TNIP3: variants seen among roughly 807,000 people sequenced by gnomAD.
TNIP3 encodes the protein TNFAIP3 interacting protein 3.
A neutral mutation model predicts 54.1 loss-of-function variants in TNIP3; 34 were observed. The observed-to-expected ratio is 0.63, with a 90% CI of 0.48 to 0.84. The LOEUF (loss-of-function observed/expected upper bound fraction) is 0.84, where lower values mean the gene tolerates loss of function less well. TNIP3 is among the 40% of genes least tolerant of loss of function. The pLI is 0.00. For missense variants in TNIP3, 366 were observed against 387.6 expected (o/e 0.94, Z 0.47); for synonymous variants, 134 against 136.8 (o/e 0.98, Z 0.14).
chr4:121,165,819 A>C (rs115073931), upstream of TNIP3, among the ~76,000 whole-genome samples: 2,436 of 152,262 alleles, frequency 0.016, 70 homozygotes, highest in African/African-American at 0.056. Flanking sequence ...CTGAAAGTAA[A>C]AAGTTATAAC....
At chr4:121,146,270 A>G (rs1303488899) in intron 7 of TNIP3, among the ~76,000 whole-genome samples, 1 of 152,202 alleles carries the variant, frequency 6.6e-6, no homozygotes, top group Non-Finnish European at 1.5e-5. Context: ...TTTGGAAGAA[A>G]ATGATGACTG....
At chr4:121,136,839 C>T (rs1728813356) in intron 10 of TNIP3, among the ~76,000 whole-genome samples, 1 of 121,792 alleles carries the variant, frequency 8.2e-6, no homozygotes, top group Non-Finnish European at 1.6e-5. Flanking sequence ...GCCTGGGTGA[C>T]AGAGTAAGAC....
chr4:121,170,255 G>T (rs1234263322), intron 3 of TNIP3, among the ~76,000 whole-genome samples: 1 of 152,212 alleles, frequency 6.6e-6, no homozygotes, highest in Non-Finnish European at 1.5e-5. Flanking sequence ...TTTAGCCTTA[G>T]GAACTACCAC....
chr4:121,158,676 G>A lies in TNIP3; in HGVS notation c.213+11C>T. 1.9e-6 allele frequency: 3 copies of A among 1,592,524 alleles called. No homozygotes were observed. Among genetic ancestry groups the A allele is most frequent in the Non-Finnish European group, 2.6e-6 (3 of 1,161,570 alleles). ...CTTTAAAGAAAATACCGAATAGAGA[G>A]AGGTATTTACCTTTCTTTCATATAA... On this transcript the variant is annotated intron_variant, in intron 3 of 10. Transcript: ENST00000057513.
At chr4:121,140,596 T>G (rs935818690) in intron 9 of TNIP3, among the ~76,000 whole-genome samples, 1 of 152,210 alleles carries the variant, frequency 6.6e-6, no homozygotes, top group Admixed American at 6.5e-5. Context: ...TAACCTTTCA[T>G]AAGAATATTT....
Position 121,222,804 on chromosome 4 carries a change from GTTT to G in TNIP3, c.3+4578_3+4580del, listed in dbSNP as rs138758827. Reference sequence around the variant, plus strand: ...GTGGAGCTGAGGGTGTTTTTTGTGCGTTTTTTTTTTTTTTTTTTTGAGACGGAG... The same window carrying G: ...GTGGAGCTGAGGGTGTTTTTTGTGCGTTTTTTTTTTTTTTTTGAGACGGAG... On this transcript the variant is annotated intron_variant, in intron 1 of 12. Coordinates refer to the TNIP3 transcript ENST00000509841. Among the ~76,000 whole-genome samples the G allele has an allele frequency of 4.8e-3, 508 of 105,760 alleles. 1 individual carries two copies. The highest frequency in any genetic ancestry group is 0.014 in the African/African-American group (363 of 26,456). The allele number at this position is 105,760 out of a possible 152,430, so 69.4% of individuals were successfully genotyped here. A position where few individuals can be genotyped will look rare whatever the true frequency, so the allele number is the denominator to read the frequency against.
At chr4:121,163,524 T>A (rs1052927318) in intron 1 of TNIP3, among the ~76,000 whole-genome samples, 1 of 152,192 alleles carries the variant, frequency 6.6e-6, no homozygotes, top group African/African-American at 2.4e-5. Context: ...TATGATAACA[T>A]CCTTACCAAT....
At chr4:121,158,658 G>A (rs1473929888) in intron 3 of TNIP3, 29 bp downstream of exon 3, 1 of 1,575,780 alleles carries the variant, frequency 6.3e-7, no homozygotes, top group East Asian at 2.2e-5. Context: ...TGGCTTTAAA[G>A]AAAATACCGA....
intron 3 of TNIP3, among the ~76,000 whole-genome samples, chr4:121,173,695 C>T (rs191360151): frequency 1.3e-3 from 192 of 152,268 alleles, no homozygotes; most frequent in African/African-American, 4.4e-3. Flanking sequence ...ATGGTGAGAA[C>T]TTGGCTCACT....
chr4:121,150,266 G>T, intron 5 of TNIP3, 47 bp from the exon 6 acceptor site: 3 of 1,172,876 alleles, frequency 2.6e-6, no homozygotes, highest in South Asian at 1.4e-5. Context: ...TTACCACATG[G>T]AATGAATTCT....
intron 8 of TNIP3, 32 bp from the exon 9 acceptor site, chr4:121,141,946 A>T: frequency 2.7e-6 from 4 of 1,484,126 alleles, no homozygotes; most frequent in Non-Finnish European, 3.7e-6. Context: ...GGTCACTACC[A>T]GTGGGAGAGA....
intron 2 of TNIP3, among the ~76,000 whole-genome samples, chr4:121,185,128 A>G (rs1357625861): frequency 6.6e-6 from 1 of 152,158 alleles, no homozygotes; most frequent in Non-Finnish European, 1.5e-5. Context: ...TTGGAGATAA[A>G]ACTCATCACG....
chr4:121,138,548 A>T, intron 10 of TNIP3, 76 bp downstream of exon 10: 1 of 1,355,312 alleles, frequency 7.4e-7, no homozygotes, highest in Non-Finnish European at 1.1e-6. Flanking sequence ...GAATGAATGT[A>T]TGTTGAGTAA....
chr4:121,165,269 C>A (rs976699206), upstream of TNIP3, among the ~76,000 whole-genome samples: 1 of 151,750 alleles, frequency 6.6e-6, no homozygotes, highest in Admixed American at 6.6e-5. Context: ...CCCTACTCTC[C>A]AACTCTCCCC....
At position 121,225,796 on chromosome 4, in the gene TNIP3, G is replaced by A. The variant is rs1023453880; in HGVS notation, c.3+1589C>T. ...TACCTTGGCCCCCGACCTGGACAAG[G>A]AGGCCCCCAGGACTTTTGAGGAATC... On this transcript the variant is annotated intron_variant, in intron 1 of 12. Transcript: ENST00000509841. Among the ~76,000 whole-genome samples the A allele has an allele frequency of 1.1e-4, 16 of 152,176 alleles. 1 individual carries two copies. The East Asian group carries it at 3.1e-3, about 29-fold the overall frequency.
chr4:121,141,784 C>T, intron 9 of TNIP3, 32 bp downstream of exon 9: 1 of 1,408,670 alleles, frequency 7.1e-7, no homozygotes. Context: ...AAACAGTATA[C>T]TAAGCACTTT....
chr4:121,227,441 T>TA (rs1727306126), exon 1 of TNIP3: 6 of 1,472,818 alleles, frequency 4.1e-6, no homozygotes, highest in Non-Finnish European at 5.5e-6. Flanking sequence ...CAAGGTCTAA[T>TA]ACGGAGACCT....
intron 2 of TNIP3, among the ~76,000 whole-genome samples, chr4:121,207,227 A>G (rs146675594): frequency 1.3e-5 from 2 of 152,324 alleles, no homozygotes; most frequent in East Asian, 3.9e-4. Context: ...AAGTACAGAA[A>G]AAAAGCCTCA....
chr4:121,133,320 C>G (rs1728588425), intron 10 of TNIP3, among the ~76,000 whole-genome samples: 1 of 152,130 alleles, frequency 6.6e-6, no homozygotes, highest in Admixed American at 6.5e-5. Flanking sequence ...TTTGGTATAC[C>G]AAAGATGTGC....
Sources: allele counts gnomAD v4.1 joint callset (sites outside exome capture counted in the v4.1 genomes callset), GRCh38; gene constraint gnomAD v4.1.1; transcripts MANE v1.5; gene names NCBI Gene and HGNC (gene_info 2026-07-23, HGNC 2026-07-21).